BCL7A: variants seen among roughly 807,000 people sequenced by gnomAD.
BCL7A encodes BAF chromatin remodeling complex subunit BCL7A.
BCL7A carries 11 observed loss-of-function variants against 28.4 expected under a neutral mutation model. The observed-to-expected ratio is 0.39, with a 90% CI of 0.24 to 0.64. BCL7A has a LOEUF of 0.64. Ranked by LOEUF, BCL7A falls within the 30% of genes least tolerant of loss-of-function variation. The pLI is 0.50. For missense variants in BCL7A, 222 were observed against 274.8 expected (o/e 0.81, Z 1.36); for synonymous variants, 123 against 103.3 (o/e 1.19, Z -1.15).
intron 3 of BCL7A, among the ~76,000 whole-genome samples, chr12:122,036,510 T>C (rs1193009174): frequency 6.6e-6 from 1 of 152,180 alleles, no homozygotes; most frequent in Non-Finnish European, 1.5e-5. Flanking sequence ...TCTGTTTCTG[T>C]TTTGACCTTT....
chr12:122,025,088 G>C (rs559635731), intron 1 of BCL7A, among the ~76,000 whole-genome samples: 2 of 152,258 alleles, frequency 1.3e-5, no homozygotes, highest in African/African-American at 2.4e-5. Context: ...ATGGCTAAAG[G>C]GAAAACAAAA....
At chr12:122,030,666 T>A (rs370755110) in intron 1 of BCL7A, 34 bp from the exon 2 acceptor site, 195 of 1,582,902 alleles carry the variant, frequency 1.2e-4, no homozygotes, top group Non-Finnish European at 1.6e-4. Flanking sequence ...GGATGAAGAG[T>A]CCCCGGTAAC....
chr12:122,028,885 G>A (rs1224524141), intron 1 of BCL7A, among the ~76,000 whole-genome samples: 5 of 152,110 alleles, frequency 3.3e-5, no homozygotes, highest in African/African-American at 7.2e-5. Context: ...AGGAGCACTC[G>A]GTCTCTTCTG....
chr12:122,025,452 G>A (rs554623637), intron 1 of BCL7A, among the ~76,000 whole-genome samples: 19 of 151,498 alleles, frequency 1.3e-4, no homozygotes, highest in South Asian at 4.2e-4. Flanking sequence ...GTGAAACCCC[G>A]TCTCTACTAA....
At chr12:122,023,024 G>A (rs1883507250) in intron 1 of BCL7A, among the ~76,000 whole-genome samples, 3 of 152,272 alleles carry the variant, frequency 2.0e-5, no homozygotes, top group East Asian at 1.9e-4. Context: ...TTTGTTCTCT[G>A]CACCGGGGAG....
chr12:122,057,047 G>C (rs946634569), intron 5 of BCL7A, among the ~76,000 whole-genome samples: 1 of 152,226 alleles, frequency 6.6e-6, no homozygotes, highest in Non-Finnish European at 1.5e-5. Flanking sequence ...AGGATAAGCA[G>C]ACACAAGTAG....
At chr12:122,036,785 G>A (rs143675363) in intron 3 of BCL7A, among the ~76,000 whole-genome samples, 6 of 151,440 alleles carry the variant, frequency 4.0e-5, no homozygotes, top group Middle Eastern at 3.4e-3. Context: ...TCAGCTCACC[G>A]CAACCTCCGC....
chr12:122,028,995 C>T (rs1203982985), intron 1 of BCL7A, among the ~76,000 whole-genome samples: 2 of 152,168 alleles, frequency 1.3e-5, no homozygotes, highest in East Asian at 3.9e-4. Context: ...TGGACTTAGA[C>T]ACTCGTCTTT....
At chr12:122,049,979 C>T (rs1321251064) in intron 4 of BCL7A, among the ~76,000 whole-genome samples, 1 of 151,912 alleles carries the variant, frequency 6.6e-6, no homozygotes, top group Non-Finnish European at 1.5e-5. Context: ...ACGGATCATT[C>T]TTTTTGTTTT....
At chr12:122,049,226 A>T (rs1884142348) in intron 4 of BCL7A, among the ~76,000 whole-genome samples, 1 of 37,060 alleles carries the variant, frequency 2.7e-5, no homozygotes, top group Admixed American at 2.0e-4. Flanking sequence ...ACCCTGTCTT[A>T]AAAAAAAAAA....
At position 122,035,408 on chromosome 12, in the gene BCL7A, A is replaced by G. The variant is rs1293398669; in HGVS notation, c.252A>G (p.Pro84=). ...CCACTCCGGAGAACAGTTCCTCCCC[A>G]GGGATGATGGACATGCATGGTGAGT... ...EVTTPENSSS[P]GMMDMHDDNS... is the part of the protein sequence containing the mutation. Residue 84 remains proline (P), a synonymous_variant, in exon 3 of 6, where the codon CCA becomes CCG. Transcript: ENST00000261822. The G allele has an allele frequency of 1.9e-6, 3 of 1,614,120 alleles. No individual in the cohort carries two copies. In the South Asian group the frequency reaches 3.3e-5, roughly 18 times the overall value.
At chr12:122,055,195 G>A (rs919730936) in intron 5 of BCL7A, among the ~76,000 whole-genome samples, 2 of 152,142 alleles carry the variant, frequency 1.3e-5, no homozygotes, top group African/African-American at 4.8e-5. Context: ...ACCCAGCCTC[G>A]GCTGCTACGT....
intron 2 of BCL7A, 146 bp from the exon 3 acceptor site, chr12:122,035,185 G>A (rs1244957266): frequency 7.5e-6 from 5 of 662,334 alleles, no homozygotes; most frequent in East Asian, 5.7e-5. Flanking sequence ...GTGTTCAAAT[G>A]TGGGCCCAGG....
intron 1 of BCL7A, among the ~76,000 whole-genome samples, chr12:122,023,795 C>G (rs1883538663): frequency 1.3e-5 from 2 of 152,328 alleles, no homozygotes; most frequent in Admixed American, 6.5e-5. Context: ...GCCCCCTCTA[C>G]TGTGGGATTC....
Position 122,061,998 on chromosome 12 carries a change from A to G in BCL7A, c.*2835A>G, listed in dbSNP as rs1354311652. 2 of 188,768 alleles carry G rather than the reference A, an allele frequency of 1.1e-5. No individual in the cohort carries two copies. Among genetic ancestry groups the G allele is most frequent in the Admixed American group, 1.2e-4 (2 of 16,156 alleles). The allele number at this position is 188,768 out of a possible 1,614,324, so 11.7% of individuals were successfully genotyped here. ...TTCCATCAGTAGATATGGTTTGTAC[A>G]ATGTACAATTGTTTCATTTCAGAAA... On this transcript the variant is annotated 3_prime_UTR_variant, in exon 6 of 6. Coordinates refer to ENST00000261822, the MANE Select transcript of BCL7A (RefSeq NM_001024808.3).
chr12:122,023,833 T>C (rs568840490), intron 1 of BCL7A, among the ~76,000 whole-genome samples: 2 of 152,244 alleles, frequency 1.3e-5, no homozygotes, highest in African/African-American at 2.4e-5. Context: ...GTTGCTCCCC[T>C]CCTTGCCTCA....
intron 1 of BCL7A, among the ~76,000 whole-genome samples, chr12:122,030,420 C>T (rs1883717611): frequency 6.6e-6 from 1 of 152,262 alleles, no homozygotes; most frequent in Non-Finnish European, 1.5e-5. Context: ...CTGGGCCCGA[C>T]TCGTGCCACC....
chr12:122,043,602 A>G (rs1392988723), intron 3 of BCL7A, among the ~76,000 whole-genome samples: 1 of 151,984 alleles, frequency 6.6e-6, no homozygotes. Context: ...GTGAAACCCC[A>G]TCTCTACTAA....
Position 122,044,016 on chromosome 12 carries a change from G to A in BCL7A, c.402G>A (p.Glu134=), listed in dbSNP as rs945199075. ...ACGGCACCGAGGCCAAGGTGGATGA[G>A]GCCCAGGCTGATGGGAAGGAGCACC... The part of the protein sequence containing the change: ...PSDGTEAKVD[E]AQADGKEHPG... The change falls in exon 4 of 6, where the codon GAG becomes GAA. Residue 134 remains glutamate (E), a synonymous_variant. Coordinates refer to ENST00000261822, the MANE Select transcript of BCL7A (RefSeq NM_001024808.3). The A allele has an allele frequency of 1.9e-6, 3 of 1,613,844 alleles. No individual in the cohort carries two copies.
Sources: gnomAD v4.1 joint callset for allele counts (sites outside exome capture counted in the v4.1 genomes callset) on GRCh38, gnomAD v4.1.1 for gene constraint, MANE v1.5 for transcripts, NCBI Gene and HGNC (gene_info 2026-07-23, HGNC 2026-07-21) for gene names.